Variants in SETDB2 observed in about 807,000 individuals in gnomAD.
The protein encoded by SETDB2 is histone-lysine N-methyltransferase SETDB2.
Under a neutral mutation model 82.5 loss-of-function variants are expected in SETDB2, and 56 were observed. That is an observed-to-expected ratio of 0.68 (90% CI 0.55 to 0.85). The LOEUF (loss-of-function observed/expected upper bound fraction) is 0.85, where lower values mean the gene tolerates loss of function less well. Ranked by LOEUF, SETDB2 falls within the 40% of genes least tolerant of loss-of-function variation. The probability of loss-of-function intolerance (pLI) is 0.00; values close to 1 mark genes in which losing one functional copy is unlikely to be tolerated. For synonymous variants in SETDB2, 272 were observed against 284.9 expected, an observed-to-expected ratio of 0.95 and a Z score of 0.46; for missense variants, 677 against 816.4, an observed-to-expected ratio of 0.83 and a Z score of 2.08.
rs746588664 is a variant in SETDB2, at chr13:49,493,645, C to G, written c.*1796C>G. On this transcript the variant is annotated 3_prime_UTR_variant, in exon 14 of 14. Coordinates refer to ENST00000611815, the MANE Select transcript of SETDB2 (RefSeq NM_001160308.3). Reference sequence around the variant, plus strand: ...AATGAAAAGTAAATGTTTTGAATCTCTGTGTGTTTGACAATGTCTTTATTT... The same window carrying G: ...AATGAAAAGTAAATGTTTTGAATCTGTGTGTGTTTGACAATGTCTTTATTT... 5 of 152,152 alleles carry G rather than the reference C, an allele frequency of 3.3e-5. No homozygotes were observed. The highest frequency in any genetic ancestry group is 4.4e-5 in the Non-Finnish European group (3 of 68,028). 9.4% of individuals were successfully genotyped at this position (152,152 alleles called of 1,614,324 possible).
chr13:49,470,966 C>CTTTTTTTT (rs55920370), intron 5 of SETDB2, among the ~76,000 whole-genome samples: 5 of 80,486 alleles, frequency 6.2e-5, no homozygotes, highest in African/African-American at 1.2e-4. Context: ...TTCTTTCTTT[C>CTTTTTTTT]TTTTTTTTTT....
At position 49,481,002 on chromosome 13, in the gene SETDB2, G is replaced by GTT; in HGVS notation, c.1043_1044dup (p.Val349LeufsTer8). 1 of 1,614,206 alleles carries GTT rather than the reference G, an allele frequency of 6.2e-7. No homozygotes were observed. Reference sequence around the variant, plus strand: ...TAATCGACAATTGTGTCAAAACCGAGTTGTCCAACATGGTCCTCAAGTGAG... The same window carrying GTT: ...TAATCGACAATTGTGTCAAAACCGAGTTTTGTCCAACATGGTCCTCAAGTGAG... On this transcript the variant is annotated frameshift_variant, in exon 8 of 14. Coordinates refer to ENST00000611815, the MANE Select transcript of SETDB2 (RefSeq NM_001160308.3). LOFTEE classifies it high-confidence loss of function.
rs538621685 is a variant in SETDB2, at chr13:49,491,622, C to G, written c.2007-110C>G. 3.0e-5 allele frequency: 22 copies of G among 735,010 alleles called. No individual in the cohort carries two copies. In the South Asian group the frequency reaches 3.4e-4, roughly 11 times the overall value. 45.5% of individuals were successfully genotyped at this position (735,010 alleles called of 1,614,324 possible). A position where few individuals can be genotyped will look rare whatever the true frequency, so the allele number is the denominator to read the frequency against. ...AATTGGTGGATGTTGGGTGAGAGAA[C>G]AGATCATATTTTTGAGGATGGTTAA... is the stretch of plus-strand genomic sequence containing the variant. On this transcript the variant is annotated intron_variant, in intron 13 of 13. Coordinates refer to ENST00000611815, the MANE Select transcript of SETDB2 (RefSeq NM_001160308.3).
intron 5 of SETDB2, among the ~76,000 whole-genome samples, chr13:49,470,701 T>C (rs1958210732): frequency 6.6e-6 from 1 of 151,998 alleles, no homozygotes; most frequent in South Asian, 2.1e-4. Flanking sequence ...TAACAAAAAT[T>C]AGCCGGGCTT....
intron 8 of SETDB2, chr13:49,482,292 T>C (rs1205207785): frequency 1.0e-6 from 1 of 985,454 alleles, no homozygotes; most frequent in East Asian, 1.1e-4. Context: ...TTTAGTGTTA[T>C]GCAGAACTTA....
intron 4 of SETDB2, 146 bp from the exon 5 acceptor site, chr13:49,467,718 T>C (rs895182851): frequency 2.2e-6 from 1 of 458,672 alleles, no homozygotes; most frequent in Non-Finnish European, 3.8e-6. Flanking sequence ...ACTTAATCTT[T>C]TGCCTCAATC....
chr13:49,451,929 GT>G lies in SETDB2; in HGVS notation c.16+22del. The stretch of plus-strand genomic sequence containing the variant: ...AAAATGGTAGGTTGAAGAACACACT[GT>G]TACACTTTATATCTAAAAGTATAAA... On this transcript the variant is annotated intron_variant, in intron 2 of 13. Transcript: ENST00000611815. 6.4e-7 allele frequency: 1 copy of G among 1,565,944 alleles called. No individual in the cohort carries two copies. The highest frequency in any genetic ancestry group is 8.7e-7 in the Non-Finnish European group (1 of 1,145,216).
intron 8 of SETDB2, chr13:49,482,431 T>C (rs1028912211): frequency 1.2e-4 from 65 of 531,986 alleles, no homozygotes; most frequent in Non-Finnish European, 1.5e-4. Context: ...GAGTCATCTC[T>C]CTAATTTTCT....
intron 6 of SETDB2, among the ~76,000 whole-genome samples, chr13:49,477,250 A>G (rs1452260356): frequency 6.6e-6 from 1 of 152,194 alleles, no homozygotes; most frequent in Admixed American, 6.5e-5. Flanking sequence ...AGCCTGGGCA[A>G]CATGGCAAAA....
chr13:49,460,980 A>C, intron 3 of SETDB2, 117 bp from the exon 4 acceptor site: 1 of 729,082 alleles, frequency 1.4e-6, no homozygotes, highest in South Asian at 2.3e-5. Context: ...AGATAGTCCT[A>C]TTAACCTCTC....
At chr13:49,464,984 C>T (rs575335657) in intron 4 of SETDB2, among the ~76,000 whole-genome samples, 10 of 151,578 alleles carry the variant, frequency 6.6e-5, no homozygotes, top group African/African-American at 2.4e-4. Flanking sequence ...GAGGATCGCT[C>T]GAGCCCAGGA....
intron 2 of SETDB2, among the ~76,000 whole-genome samples, chr13:49,457,752 A>C (rs111906963): frequency 5.3e-5 from 8 of 152,318 alleles, no homozygotes; most frequent in African/African-American, 1.7e-4. Context: ...GATAAAAAAA[A>C]CAAAAATTCA....
intron 1 of SETDB2, among the ~76,000 whole-genome samples, chr13:49,451,338 G>A (rs1036101092): frequency 2.0e-5 from 3 of 150,916 alleles, no homozygotes; most frequent in African/African-American, 7.3e-5. Context: ...ATGGGTGATA[G>A]GATTGGGTGG....
At chr13:49,445,121 C>G (rs1215192625) in intron 1 of SETDB2, among the ~76,000 whole-genome samples, 1 of 152,158 alleles carries the variant, frequency 6.6e-6, no homozygotes, top group Non-Finnish European at 1.5e-5. Flanking sequence ...TGAAACCATG[C>G]TGCCTGGTTC....
Position 49,488,468 on chromosome 13 carries a change from A to G in SETDB2, c.1755A>G (p.Gln585=), listed in dbSNP as rs1359436280. The change falls in exon 12 of 14, where the codon CAA becomes CAG. Residue 585 remains glutamine, a synonymous_variant. Coordinates refer to ENST00000611815, the MANE Select transcript of SETDB2 (RefSeq NM_001160308.3). ...KAIEVQIQKP[Q]EGRSTACQRQ... ...TTGAGGTTCAAATTCAGAAACCCCA[A>G]GAGGGACGATCTACAGCATGTCAAA... 1 of 1,614,068 alleles carries G rather than the reference A, an allele frequency of 6.2e-7. No individual in the cohort carries two copies. Among genetic ancestry groups the G allele is most frequent in the Non-Finnish European group, 8.5e-7 (1 of 1,180,020 alleles).
intron 5 of SETDB2, among the ~76,000 whole-genome samples, chr13:49,473,431 G>C (rs780009280): frequency 6.6e-6 from 1 of 151,432 alleles, no homozygotes. Flanking sequence ...CATGCCTTTC[G>C]TCCCAGCTAC....
At chr13:49,479,309 A>T (rs1162344750) in intron 6 of SETDB2, among the ~76,000 whole-genome samples, 1 of 152,206 alleles carries the variant, frequency 6.6e-6, no homozygotes, top group African/African-American at 2.4e-5. Flanking sequence ...CTAATTCTGG[A>T]TGGTGGAAAT....
At chr13:49,491,113 C>T (rs1958703100) in intron 13 of SETDB2, among the ~76,000 whole-genome samples, 1 of 152,124 alleles carries the variant, frequency 6.6e-6, no homozygotes, top group South Asian at 2.1e-4. Flanking sequence ...AAAAGTTCAC[C>T]AGGTTTGGTG....
chr13:49,450,805 A>G (rs1006327318), intron 1 of SETDB2, among the ~76,000 whole-genome samples: 5 of 152,008 alleles, frequency 3.3e-5, no homozygotes, highest in African/African-American at 1.2e-4. Flanking sequence ...TTTTTGACCT[A>G]TTATTCTACC....
Sources: gnomAD v4.1 joint callset for allele counts (sites outside exome capture counted in the v4.1 genomes callset) on GRCh38, gnomAD v4.1.1 for gene constraint, MANE v1.5 for transcripts, NCBI Gene and HGNC (gene_info 2026-07-23, HGNC 2026-07-21) for gene names.